YES1: variants seen among roughly 807,000 people sequenced by gnomAD.
YES1 encodes the protein YES proto-oncogene 1, Src family tyrosine kinase.
Under a neutral mutation model 70.4 loss-of-function variants are expected in YES1, and 39 were observed. That is an observed-to-expected ratio of 0.55 (90% CI 0.43 to 0.72). The LOEUF (loss-of-function observed/expected upper bound fraction) is 0.72. Ranked by LOEUF, YES1 falls within the 30% of genes least tolerant of loss-of-function variation. The pLI, the probability that YES1 is intolerant of heterozygous loss-of-function variation, is 0.00. For missense variants in YES1, 495 were observed against 644.8 expected (o/e 0.77, Z 2.52); for synonymous variants, 198 against 218.6 (o/e 0.91, Z 0.83).
chr18:808,793 A>G (rs1907226570), intron 1 of YES1, among the ~76,000 whole-genome samples: 1 of 152,218 alleles, frequency 6.6e-6, no homozygotes, highest in African/African-American at 2.4e-5. Context: ...AGCATGACCC[A>G]ATGATTCTCT....
chr18:768,746 A>T (rs1197962203), intron 1 of YES1, among the ~76,000 whole-genome samples: 2 of 152,134 alleles, frequency 1.3e-5, no homozygotes, highest in Non-Finnish European at 2.9e-5. Context: ...TCTGTCACCC[A>T]GCCTGGAGTG....
chr18:799,696 C>A (rs537067836), intron 1 of YES1, among the ~76,000 whole-genome samples: 3 of 151,472 alleles, frequency 2.0e-5, no homozygotes, highest in Non-Finnish European at 4.4e-5. Flanking sequence ...GAGCGAGACT[C>A]CATTTCAAAA....
At chr18:757,202 CCA>C (rs1310440640) in intron 1 of YES1, among the ~76,000 whole-genome samples, 1 of 152,206 alleles carries the variant, frequency 6.6e-6, no homozygotes, top group East Asian at 1.9e-4. Context: ...TCTATGCACT[CCA>C]GTTACTTGAA....
At chr18:730,451 C>G (rs2080074970) in intron 11 of YES1, among the ~76,000 whole-genome samples, 2 of 151,302 alleles carry the variant, frequency 1.3e-5, no homozygotes, top group Admixed American at 6.6e-5. Context: ...CTCAAGCGAT[C>G]CACCCACCTT....
At chr18:767,552 A>G (rs1904969412) in intron 1 of YES1, among the ~76,000 whole-genome samples, 1 of 152,232 alleles carries the variant, frequency 6.6e-6, no homozygotes, top group African/African-American at 2.4e-5. Flanking sequence ...TTTGTCAAAA[A>G]GCAATTAACC....
In YES1 at chr18:722,686, T is replaced by TAA. The variant is rs1395731432; in HGVS notation, c.*1736_*1737dup. 6.6e-6 allele frequency: 1 copy of TAA among 152,136 alleles called. No homozygotes were observed. Among genetic ancestry groups the TAA allele is most frequent in the African/African-American group, 2.4e-5 (1 of 41,422 alleles). 9.4% of individuals were successfully genotyped at this position (152,136 alleles called of 1,614,324 possible). A position where few individuals can be genotyped will look rare whatever the true frequency, so the allele number is the denominator to read the frequency against. On this transcript the variant is annotated 3_prime_UTR_variant, in exon 12 of 12. Coordinates refer to ENST00000314574, the MANE Select transcript of YES1 (RefSeq NM_005433.4). ...TATGTTTCACTTTTGCACTTTAGGG[T>TAA]AAAAACTGTCCCCTTTTCACCACCG...
At chr18:757,008 T>C (rs2080416168) in intron 1 of YES1, among the ~76,000 whole-genome samples, 173 bp from the exon 2 acceptor site, 1 of 152,204 alleles carries the variant, frequency 6.6e-6, no homozygotes, top group Non-Finnish European at 1.5e-5. Flanking sequence ...TTTATCTTTA[T>C]TACAATTTGC....
intron 1 of YES1, among the ~76,000 whole-genome samples, chr18:772,496 G>A (rs372059847): frequency 1.3e-5 from 2 of 151,256 alleles, no homozygotes; most frequent in Non-Finnish European, 2.9e-5. Context: ...GCAATGGTGC[G>A]ATCTCGGCTC....
intron 11 of YES1, among the ~76,000 whole-genome samples, chr18:730,545 A>G (rs1049314922): frequency 2.0e-5 from 3 of 151,820 alleles, no homozygotes; most frequent in Non-Finnish European, 2.9e-5. Context: ...TTCTTTCCCT[A>G]TGGTTCCTTC....
intron 2 of YES1, among the ~76,000 whole-genome samples, chr18:752,740 C>T (rs968378223): frequency 1.3e-5 from 2 of 152,132 alleles, no homozygotes; most frequent in African/African-American, 4.8e-5. Flanking sequence ...GCCAGGAGTT[C>T]GAGACCAGCC....
At chr18:757,394 T>C (rs1432112933) in intron 1 of YES1, among the ~76,000 whole-genome samples, 1 of 151,138 alleles carries the variant, frequency 6.6e-6, no homozygotes, top group Non-Finnish European at 1.5e-5. Context: ...TCCCAGCTAC[T>C]CGGGAGGCTG....
chr18:735,799 G>A (rs1001757014), intron 10 of YES1: 3 of 152,076 alleles, frequency 2.0e-5, no homozygotes, highest in African/African-American at 7.2e-5. Flanking sequence ...CACCACTAAA[G>A]AACTAGTTTC....
intron 10 of YES1, chr18:736,582 C>A (rs1311084115): frequency 4.8e-6 from 2 of 415,942 alleles, no homozygotes; most frequent in Non-Finnish European, 4.2e-6. Flanking sequence ...AAAGAGGCTA[C>A]TACTTGCTCT....
At chr18:726,789 A>AAAAAAAAAAAAAAAAAAAAAAAAAAAT (rs2080025633) in intron 11 of YES1, among the ~76,000 whole-genome samples, 1 of 122,270 alleles carries the variant, frequency 8.2e-6, no homozygotes, top group African/African-American at 3.0e-5. Flanking sequence ...CTCAAAAAAA[A>AAAAAAAAAAAAAAAAAAAAAAAAAAAT]AAAAAAAAAA....
At chr18:792,173 G>A (rs1269071132) in intron 1 of YES1, among the ~76,000 whole-genome samples, 1 of 151,932 alleles carries the variant, frequency 6.6e-6, no homozygotes, top group African/African-American at 2.4e-5. Flanking sequence ...GTGTGGTGGT[G>A]CATGCCTGTA....
In YES1 at chr18:742,901, G is replaced by A; in HGVS notation, c.1060+17C>T. Reference sequence around the variant, plus strand: ...AACATTATCAACACAAATACCTAAGGAGATACTAATACATACCTTTTGACA... The same window carrying A: ...AACATTATCAACACAAATACCTAAGAAGATACTAATACATACCTTTTGACA... On this transcript the variant is annotated intron_variant, in intron 8 of 11. Coordinates refer to ENST00000314574, the MANE Select transcript of YES1 (RefSeq NM_005433.4). 1 of 1,552,306 alleles carries A rather than the reference G, an allele frequency of 6.4e-7. No individual in the cohort carries two copies. The highest frequency in any genetic ancestry group is 8.7e-7 in the Non-Finnish European group (1 of 1,153,532).
At chr18:737,524 TAGG>T (rs756329871) in intron 9 of YES1, 2 of 152,254 alleles carry the variant, frequency 1.3e-5, no homozygotes, top group Non-Finnish European at 2.9e-5. Context: ...TGTCTGTGGT[TAGG>T]AGAAGAGGTA....
At chr18:778,261 G>C (rs1315117184) in intron 1 of YES1, among the ~76,000 whole-genome samples, 1 of 152,154 alleles carries the variant, frequency 6.6e-6, no homozygotes, top group Non-Finnish European at 1.5e-5. Context: ...ACGATCTTCA[G>C]GGAAGCCTTG....
At chr18:802,519 G>A (rs1018768901) in intron 1 of YES1, among the ~76,000 whole-genome samples, 1 of 150,806 alleles carries the variant, frequency 6.6e-6, no homozygotes, top group African/African-American at 2.4e-5. Flanking sequence ...ACCCCAGCCT[G>A]GGCAACAAGA....
Sources: allele counts gnomAD v4.1 joint callset (sites outside exome capture counted in the v4.1 genomes callset), GRCh38; gene constraint gnomAD v4.1.1; transcripts MANE v1.5; gene names NCBI Gene and HGNC (gene_info 2026-07-23, HGNC 2026-07-21).